The following RYR3 variants were observed in gnomAD, a reference collection of about 807,000 sequenced individuals.
The protein encoded by RYR3 is ryanodine receptor 3, also known as brain ryanodine receptor-calcium release channel.
RYR3 carries 207 observed loss-of-function variants against 584.3 expected under a neutral mutation model. The observed-to-expected ratio is 0.35, with a 90% CI of 0.32 to 0.40. The LOEUF (loss-of-function observed/expected upper bound fraction) is 0.40. Ranked by LOEUF, RYR3 falls within the 10% of genes least tolerant of loss-of-function variation. The probability of loss-of-function intolerance (pLI) is 1.00; values close to 1 mark genes in which losing one functional copy is unlikely to be tolerated. For synonymous variants in RYR3, 2,416 were observed against 2,248.5 expected, an observed-to-expected ratio of 1.07 and a Z score of -2.11; for missense variants, 5,616 against 6,089.2, an observed-to-expected ratio of 0.92 and a Z score of 2.59.
intron 3 of RYR3, among the ~76,000 whole-genome samples, chr15:33,510,568 A>T (rs1385771764): frequency 6.6e-6 from 1 of 151,892 alleles, no homozygotes; most frequent in African/African-American, 2.4e-5. Context: ...ACCCTAAAGC[A>T]CTAAGCATTG....
intron 1 of RYR3, among the ~76,000 whole-genome samples, chr15:33,377,621 T>C (rs1248919979): frequency 6.6e-6 from 1 of 152,170 alleles, no homozygotes; most frequent in Non-Finnish European, 1.5e-5. Flanking sequence ...GAGCCTGATT[T>C]CTCCAGGTTC....
intron 67 of RYR3, among the ~76,000 whole-genome samples, chr15:33,793,416 C>G (rs568999025): frequency 2.6e-4 from 40 of 152,316 alleles, no homozygotes; most frequent in African/African-American, 9.6e-4. Context: ...AGTTCCAACC[C>G]TCTTACCATG....
At chr15:33,689,201 A>C (rs986393669) in intron 38 of RYR3, among the ~76,000 whole-genome samples, 3 of 87,374 alleles carry the variant, frequency 3.4e-5, no homozygotes, top group Non-Finnish European at 6.2e-5. Context: ...GGTGGGGAAC[A>C]TCACACACCG....
intron 1 of RYR3, among the ~76,000 whole-genome samples, chr15:33,365,366 G>A (rs147153037): frequency 1.6e-4 from 24 of 152,340 alleles, no homozygotes; most frequent in Non-Finnish European, 2.8e-4. Flanking sequence ...CTTTGAAAGA[G>A]TGGAAGGACA....
At chr15:33,840,112 G>T (rs2078267086) in intron 89 of RYR3, among the ~76,000 whole-genome samples, 1 of 152,232 alleles carries the variant, frequency 6.6e-6, no homozygotes, top group African/African-American at 2.4e-5. Context: ...CAGAGTGAAT[G>T]TAGGCCCAAC....
intron 43 of RYR3, among the ~76,000 whole-genome samples, chr15:33,715,058 TAAATG>T (rs2067396414): frequency 6.6e-6 from 1 of 152,210 alleles, no homozygotes; most frequent in Admixed American, 6.5e-5. Flanking sequence ...CATCTTGAAA[TAAATG>T]GATATAGTTT....
chr15:33,636,692 A>G, intron 27 of RYR3, 142 bp downstream of exon 27: 4 of 670,974 alleles, frequency 6.0e-6, no homozygotes, highest in Non-Finnish European at 9.8e-6. Flanking sequence ...AGACGATCCC[A>G]TAGACTAGCA....
At chr15:33,570,731 T>C (rs4779621) in intron 12 of RYR3, among the ~76,000 whole-genome samples, 99,730 of 151,994 alleles carry the variant, frequency 0.66, 33,687 homozygotes, top group Middle Eastern at 0.76. Flanking sequence ...TCTATTTATT[T>C]TTTAATTATT....
In RYR3 at chr15:33,598,569, C is replaced by G. The variant is rs1472208683; in HGVS notation, c.1789-2850C>G. On this transcript the variant is annotated intron_variant, in intron 16 of 103. Transcript: ENST00000634891. ...GGAATTTGCAAGACAGAATCCCAAA[C>G]CAGTTTCTTACCTAGTGATGGGTCT... is the stretch of plus-strand genomic sequence containing the variant. Among the ~76,000 whole-genome samples the G allele has an allele frequency of 2.0e-5, 3 of 151,808 alleles. No individual in the cohort carries two copies. In the East Asian group the frequency reaches 5.8e-4, roughly 29 times the overall value.
Position 33,433,003 on chromosome 15 carries a change from A to G in RYR3, c.52-40416A>G, listed in dbSNP as rs965491223. Among the ~76,000 whole-genome samples, 6 of 152,226 alleles carry G rather than the reference A, an allele frequency of 3.9e-5. No homozygotes were observed. In the East Asian group the frequency reaches 9.7e-4, roughly 25 times the overall value. Reference sequence around the variant, plus strand: ...CTGAATCAAATTAGTTTATTGATCAATTCTTCAACTGGTCTGTCCATTACC... The same window carrying G: ...CTGAATCAAATTAGTTTATTGATCAGTTCTTCAACTGGTCTGTCCATTACC... On this transcript the variant is annotated intron_variant, in intron 1 of 103. Transcript: ENST00000634891.
Position 33,662,857 on chromosome 15 carries a change from A to G in RYR3, c.5327A>G (p.Glu1776Gly), listed in dbSNP as rs1161354368. The change falls in exon 35 of 104, where the codon GAG becomes GGG. Residue 1776 changes from glutamate to glycine, a missense_variant. Glu to Gly is a moderately conservative substitution (Grantham distance 98). This residue lies in a region of RYR3 where 753 missense variants were observed against 741.0 expected (regional missense o/e 1.02). Coordinates refer to ENST00000634891, the MANE Select transcript of RYR3 (RefSeq NM_001036.6). Reference sequence around the variant, plus strand: ...AAGGAGGAAGTGACCCAGGTGGAGGAGAAGGCTGTGGAGGCTGGGGAGAAG... The same window carrying G: ...AAGGAGGAAGTGACCCAGGTGGAGGGGAAGGCTGTGGAGGCTGGGGAGAAG... ...AEKEEVTQVE[E>G]KAVEAGEKAG... is the part of the protein sequence containing the mutation. The G allele has an allele frequency of 2.5e-6, 4 of 1,613,686 alleles. No homozygotes were observed. The highest frequency in any genetic ancestry group is 3.4e-6 in the Non-Finnish European group (4 of 1,179,886).
intron 3 of RYR3, among the ~76,000 whole-genome samples, chr15:33,527,178 A>G (rs1346978547): frequency 2.0e-5 from 3 of 152,198 alleles, no homozygotes; most frequent in East Asian, 3.8e-4. Context: ...AATCCAGACT[A>G]TGGCCTGTTT....
chr15:33,800,591 C>A (rs1317730638), intron 67 of RYR3, among the ~76,000 whole-genome samples, 179 bp from the exon 68 acceptor site: 1 of 152,150 alleles, frequency 6.6e-6, no homozygotes, highest in Admixed American at 6.5e-5. Context: ...TAATTATGTA[C>A]CTATATCTGA....
Position 33,629,949 on chromosome 15 carries a change from G to T in RYR3, c.2689G>T (p.Asp897Tyr). Residue 897 changes from aspartate (D) to tyrosine (Y), a missense_variant, in exon 22 of 104, where the codon GAC becomes TAC. Around this residue, in one of 9 missense-constraint regions of RYR3, gnomAD observed 1,284 missense variants for 1,344.6 expected, o/e 0.95. Coordinates refer to ENST00000634891, the MANE Select transcript of RYR3 (RefSeq NM_001036.6). ...TTATGTCACCACCTAGATACGAGAT[G>T]ACAATAAAAGACAACACCCTTGCCT... is the stretch of plus-strand genomic sequence containing the variant. ...LGWTFGKIRD[D>Y]NKRQHPCLVE... The T allele has an allele frequency of 6.3e-7, 1 of 1,592,108 alleles. No individual in the cohort carries two copies.
intron 1 of RYR3, among the ~76,000 whole-genome samples, chr15:33,420,762 G>A (rs2141603958): frequency 6.6e-6 from 1 of 152,186 alleles, no homozygotes; most frequent in Middle Eastern, 3.4e-3. Flanking sequence ...GGAAGCTGTT[G>A]CTTCTGATAA....
Position 33,726,512 on chromosome 15 carries a change from G to C in RYR3, c.7033+6G>C. 1.3e-6 allele frequency: 2 copies of C among 1,583,372 alleles called. No individual in the cohort carries two copies. Among genetic ancestry groups the C allele is most frequent in the Non-Finnish European group, 1.7e-6 (2 of 1,164,588 alleles). On this transcript the variant is annotated splice_donor_region_variant and intron_variant, in intron 46 of 103. Transcript: ENST00000634891. ...ACTGCCCTCCCTCAACAAAGGTAAG[G>C]GGAGTGACTGCAGGCTGCAGCAGCA...
intron 26 of RYR3, among the ~76,000 whole-genome samples, 181 bp downstream of exon 26, chr15:33,636,000 A>C (rs1391066617): frequency 6.6e-6 from 1 of 152,164 alleles, no homozygotes; most frequent in South Asian, 2.1e-4. Flanking sequence ...ACTCTGTTGA[A>C]GGGGAGCACT....
At chr15:33,564,089 C>G (rs2057564727) in intron 11 of RYR3, among the ~76,000 whole-genome samples, 1 of 152,194 alleles carries the variant, frequency 6.6e-6, no homozygotes, top group South Asian at 2.1e-4. Context: ...TTTTCTCCTT[C>G]AGCACATTTG....
chr15:33,694,018 C>T (rs373227820), intron 38 of RYR3, among the ~76,000 whole-genome samples: 21 of 152,154 alleles, frequency 1.4e-4, no homozygotes, highest in African/African-American at 4.1e-4. Flanking sequence ...ACCAGGAGGA[C>T]GTTACTTTTC....
Sources: allele counts gnomAD v4.1 joint callset (sites outside exome capture counted in the v4.1 genomes callset), GRCh38; gene constraint gnomAD v4.1.1; regional missense constraint gnomAD v4.1.1; transcripts MANE v1.5; gene names NCBI Gene and HGNC (gene_info 2026-07-23, HGNC 2026-07-21).